COMMD10: variants seen among roughly 807,000 people sequenced by gnomAD.
The protein encoded by COMMD10 is COMM domain containing 10.
In COMMD10, 33 loss-of-function variants were observed where a neutral mutation model predicts 28.9. That is an observed-to-expected ratio of 1.14 (90% confidence interval 0.87 to 1.53). The LOEUF (loss-of-function observed/expected upper bound fraction) is 1.53, where lower values mean the gene tolerates loss of function less well. COMMD10 is among the 40% of genes most tolerant of loss of function. COMMD10 has a pLI of 0.00. For missense variants in COMMD10, 310 were observed against 233.4 expected, an observed-to-expected ratio of 1.33 and a Z score of -2.14; for synonymous variants, 110 against 81.7, an observed-to-expected ratio of 1.35 and a Z score of -1.87.
At chr5:116,271,496 A>G (rs1199806498) in intron 5 of COMMD10, among the ~76,000 whole-genome samples, 4 of 151,596 alleles carry the variant, frequency 2.6e-5, no homozygotes, top group Non-Finnish European at 4.4e-5. Context: ...TTATGTAAGT[A>G]TAAGTACCCT....
At chr5:116,149,392 A>G (rs1356714814) in intron 5 of COMMD10, among the ~76,000 whole-genome samples, 1 of 147,208 alleles carries the variant, frequency 6.8e-6, no homozygotes, top group Non-Finnish European at 1.5e-5. Context: ...GGCTGGGTCA[A>G]ATGGTATTTC....
intron 4 of COMMD10, among the ~76,000 whole-genome samples, chr5:116,097,321 T>C (rs974650135): frequency 1.3e-5 from 2 of 152,220 alleles, no homozygotes; most frequent in African/African-American, 4.8e-5. Flanking sequence ...AAGCATTTAT[T>C]GTGCTTATTG....
chr5:116,269,522 C>T (rs115338707), intron 5 of COMMD10, among the ~76,000 whole-genome samples: 4,243 of 151,632 alleles, frequency 0.028, 262 homozygotes, highest in African/African-American at 0.097. Flanking sequence ...TTGGATTAGT[C>T]CAAGTGATAT....
At chr5:116,283,246 C>G (rs1488641056) in intron 5 of COMMD10, among the ~76,000 whole-genome samples, 2 of 151,856 alleles carry the variant, frequency 1.3e-5, no homozygotes, top group African/African-American at 4.9e-5. Context: ...AAAACTCTAC[C>G]TTATTTACTG....
At chr5:116,148,396 G>C (rs747421970) in intron 5 of COMMD10, among the ~76,000 whole-genome samples, 3 of 151,554 alleles carry the variant, frequency 2.0e-5, no homozygotes, top group Non-Finnish European at 2.9e-5. Context: ...GAGTAGATAC[G>C]AAGTTTCTTT....
intron 5 of COMMD10, among the ~76,000 whole-genome samples, chr5:116,231,308 T>C (rs1749522553): frequency 6.6e-6 from 1 of 152,200 alleles, no homozygotes; most frequent in Non-Finnish European, 1.5e-5. Context: ...ATATAGCTTT[T>C]TCATGTCAAC....
intron 5 of COMMD10, among the ~76,000 whole-genome samples, chr5:116,291,001 A>C (rs578208460): frequency 2.2e-4 from 33 of 152,262 alleles, no homozygotes; most frequent in Admixed American, 5.2e-4. Flanking sequence ...TGTTGTGTTA[A>C]TTGTGAACTT....
rs184871799 is a variant in COMMD10, at chr5:116,106,778, T to A, written c.399+14078T>A. 1.9e-3 allele frequency among the ~76,000 whole-genome samples: 290 copies of A among 152,336 alleles called. 2 individuals are homozygous for A. The highest frequency in any genetic ancestry group is 6.6e-3 in the African/African-American group (274 of 41,596). ...ATCTTTGTTGGTTTAAAGTCTGTTTTATCAGAGACTAGGATTGCAACCCCT... is the reference window on the plus strand; with the variant it reads ...ATCTTTGTTGGTTTAAAGTCTGTTTAATCAGAGACTAGGATTGCAACCCCT... On this transcript the variant is annotated intron_variant, in intron 4 of 6. Coordinates refer to ENST00000274458, the MANE Select transcript of COMMD10 (RefSeq NM_016144.4).
intron 5 of COMMD10, among the ~76,000 whole-genome samples, chr5:116,277,057 C>T (rs988904273): frequency 1.1e-4 from 16 of 151,572 alleles, no homozygotes; most frequent in Non-Finnish European, 1.6e-4. Context: ...AAAGCTGTTA[C>T]CAAAAAATAT....
At chr5:116,290,101 C>T (rs1561411200) in intron 5 of COMMD10, among the ~76,000 whole-genome samples, 1 of 151,916 alleles carries the variant, frequency 6.6e-6, no homozygotes, top group Admixed American at 6.6e-5. Context: ...ATTCAGCCTT[C>T]ATTCTCTCCT....
At chr5:116,164,683 T>A (rs1395707959) in intron 5 of COMMD10, among the ~76,000 whole-genome samples, 1 of 152,254 alleles carries the variant, frequency 6.6e-6, no homozygotes. Flanking sequence ...GATTACTTCA[T>A]GTATTTACTC....
At chr5:116,167,636 G>T (rs375307981) in intron 5 of COMMD10, among the ~76,000 whole-genome samples, 58 of 152,184 alleles carry the variant, frequency 3.8e-4, no homozygotes, top group African/African-American at 7.2e-4. Flanking sequence ...CGGATCTCTC[G>T]GCAGAAACCC....
intron 4 of COMMD10, among the ~76,000 whole-genome samples, chr5:116,122,219 C>T (rs916053781): frequency 3.1e-4 from 47 of 152,298 alleles, no homozygotes; most frequent in African/African-American, 1.1e-3. Flanking sequence ...GTTTTCCCAG[C>T]ACCATTTATT....
intron 5 of COMMD10, among the ~76,000 whole-genome samples, chr5:116,241,053 T>G (rs1188848593): frequency 6.6e-6 from 1 of 152,206 alleles, no homozygotes; most frequent in Non-Finnish European, 1.5e-5. Flanking sequence ...ATTAAGTGAC[T>G]AGTTTATGGT....
intron 5 of COMMD10, among the ~76,000 whole-genome samples, chr5:116,149,542 G>T (rs1441367008): frequency 7.0e-6 from 1 of 143,246 alleles, no homozygotes; most frequent in Non-Finnish European, 1.5e-5. Context: ...TTTAATGATT[G>T]CCATTCTAAC....
intron 4 of COMMD10, among the ~76,000 whole-genome samples, chr5:116,118,524 A>G (rs10079037): frequency 0.5 from 76,409 of 151,928 alleles, 21,805 homozygotes; most frequent in Non-Finnish European, 0.65. Context: ...TTTTTTATTG[A>G]CAGAGAAAGG....
rs2112704875 is a variant in COMMD10 at position 116,277,966 on chromosome 5, A to G, written c.511-13551A>G. Among the ~76,000 whole-genome samples, 2 of 151,984 alleles carry G rather than the reference A, an allele frequency of 1.3e-5. 1 individual carries two copies. The highest frequency in any genetic ancestry group is 4.1e-4 in the South Asian group (2 of 4,828). On this transcript the variant is annotated intron_variant, in intron 5 of 6. Transcript: ENST00000274458. ...TTTTATAAAGAAAAGAGAAACCTAA[A>G]TTTGAATGTTGAGATCATAATCTTT...
intron 5 of COMMD10, among the ~76,000 whole-genome samples, chr5:116,254,304 C>G (rs1251100938): frequency 3.3e-5 from 5 of 151,988 alleles, no homozygotes; most frequent in African/African-American, 4.8e-5. Flanking sequence ...TCCTTCAGTT[C>G]TGCTCTGATC....
chr5:116,191,168 A>G (rs1342735668), intron 5 of COMMD10, among the ~76,000 whole-genome samples: 1 of 152,136 alleles, frequency 6.6e-6, no homozygotes, highest in Non-Finnish European at 1.5e-5. Context: ...CTAGCAGGCC[A>G]TTCCTGCATG....
Sources: allele counts gnomAD v4.1 joint callset (sites outside exome capture counted in the v4.1 genomes callset), GRCh38; gene constraint gnomAD v4.1.1; transcripts MANE v1.5; gene names NCBI Gene and HGNC (gene_info 2026-07-23, HGNC 2026-07-21).